The following PAX5 variants were observed in gnomAD, a reference collection of about 807,000 sequenced individuals.
PAX5 encodes paired box 5, also known as paired box protein Pax-5.
Under a neutral mutation model 43.7 loss-of-function variants are expected in PAX5, and 9 were observed. The ratio of observed to expected loss-of-function variants is 0.21; its 90% CI spans 0.12 to 0.36. The LOEUF (loss-of-function observed/expected upper bound fraction) is 0.36. Among genes scored for constraint, PAX5 ranks in the 10% least tolerant of loss-of-function variants. PAX5 has a pLI of 1.00. For synonymous variants in PAX5, 228 were observed against 214.3 expected (o/e 1.06, Z -0.56); for missense variants, 383 against 532.7 (o/e 0.72, Z 2.77).
intron 7 of PAX5, among the ~76,000 whole-genome samples, chr9:36,921,354 A>G (rs1267699873): frequency 6.6e-6 from 1 of 152,140 alleles, no homozygotes; most frequent in African/African-American, 2.4e-5. Flanking sequence ...AGCCTGAGAG[A>G]CCAGAACCCT....
intron 5 of PAX5, among the ~76,000 whole-genome samples, chr9:36,996,348 A>G (rs1837398131): frequency 6.6e-6 from 1 of 152,266 alleles, no homozygotes; most frequent in Non-Finnish European, 1.5e-5. Flanking sequence ...TCGCCAGATA[A>G]CAAAATGGAG....
At chr9:36,976,389 G>C (rs1355728614) in intron 5 of PAX5, among the ~76,000 whole-genome samples, 1 of 152,176 alleles carries the variant, frequency 6.6e-6, no homozygotes, top group Admixed American at 6.5e-5. Context: ...TCCTGGAGAA[G>C]GGACGATCAG....
At chr9:36,975,230 CA>C (rs1358652153) in intron 5 of PAX5, among the ~76,000 whole-genome samples, 3 of 152,164 alleles carry the variant, frequency 2.0e-5, no homozygotes, top group African/African-American at 7.2e-5. Context: ...CACAGCAGAG[CA>C]CTTGCACAGC....
intron 6 of PAX5, among the ~76,000 whole-genome samples, chr9:36,960,501 G>A (rs539118949): frequency 6.6e-6 from 1 of 152,296 alleles, no homozygotes; most frequent in African/African-American, 2.4e-5. Flanking sequence ...AAGGTCCGGG[G>A]TTGGGTTTCA....
chr9:36,948,122 T>A lies in PAX5; in HGVS notation c.780+18427A>T, dbSNP rs377030982. Among the ~76,000 whole-genome samples the A allele has an allele frequency of 5.3e-5, 8 of 152,188 alleles. No homozygotes were observed. In the East Asian group the frequency reaches 1.5e-3, roughly 29 times the overall value. Reference sequence around the variant, plus strand: ...GGCATGGCTACCCTCCTCTTGTGGATGGAGAAACTGATGCTGAGTGAGGGG... The same window carrying A: ...GGCATGGCTACCCTCCTCTTGTGGAAGGAGAAACTGATGCTGAGTGAGGGG... On this transcript the variant is annotated intron_variant, in intron 6 of 9. Transcript: ENST00000358127.
intron 7 of PAX5, among the ~76,000 whole-genome samples, chr9:36,889,598 G>A (rs1827194858): frequency 6.6e-6 from 1 of 152,194 alleles, no homozygotes; most frequent in Non-Finnish European, 1.5e-5. Flanking sequence ...TCTGGCACCA[G>A]ATGCCTTCAC....
intron 6 of PAX5, among the ~76,000 whole-genome samples, chr9:36,945,925 C>A (rs10973137): frequency 0.032 from 4,940 of 152,306 alleles, 244 homozygotes; most frequent in African/African-American, 0.11. Flanking sequence ...CCTGGCACAT[C>A]ATTTGTACTC....
Position 36,913,978 on chromosome 9 carries a change from C to T in PAX5, c.910+9377G>A, listed in dbSNP as rs894232488. 2.0e-5 allele frequency among the ~76,000 whole-genome samples: 3 copies of T among 152,262 alleles called. No individual in the cohort carries two copies. The South Asian group carries it at 6.2e-4, about 32-fold the overall frequency. ...CCGTGTGGTGAAACAGAGCCCCCCA[C>T]CCCCCAACAGCTCCTGGGGGCATTC... On this transcript the variant is annotated intron_variant, in intron 7 of 9. Coordinates refer to ENST00000358127, the MANE Select transcript of PAX5 (RefSeq NM_016734.3).
chr9:36,939,056 G>C (rs1446072797), intron 6 of PAX5, among the ~76,000 whole-genome samples: 1 of 152,108 alleles, frequency 6.6e-6, no homozygotes, highest in Non-Finnish European at 1.5e-5. Flanking sequence ...TATGCACCTG[G>C]CCAGGGCCTT....
At chr9:36,851,115 A>G (rs982099064) in intron 8 of PAX5, among the ~76,000 whole-genome samples, 1 of 152,232 alleles carries the variant, frequency 6.6e-6, no homozygotes, top group Non-Finnish European at 1.5e-5. Flanking sequence ...CTCATCTTGA[A>G]TATGGGCAAA....
At chr9:36,841,105 T>C (rs1359413895) in intron 9 of PAX5, among the ~76,000 whole-genome samples, 1 of 152,244 alleles carries the variant, frequency 6.6e-6, no homozygotes, top group Non-Finnish European at 1.5e-5. Context: ...TCCCTTTGTT[T>C]GGCCTGCAGG....
intron 6 of PAX5, among the ~76,000 whole-genome samples, chr9:36,933,143 CAA>C (rs35734654): frequency 3.7e-4 from 36 of 96,404 alleles, no homozygotes; most frequent in Admixed American, 7.7e-4. Flanking sequence ...GACCCTGTCT[CAA>C]AAAAAAAAAA....
intron 6 of PAX5, among the ~76,000 whole-genome samples, chr9:36,947,260 GATGAAAA>G (rs904382271): frequency 6.6e-6 from 1 of 152,140 alleles, no homozygotes; most frequent in African/African-American, 2.4e-5. Context: ...ATGTTTAAAA[GATGAAAA>G]ATTACACTGT....
intron 1 of PAX5, among the ~76,000 whole-genome samples, chr9:37,023,435 G>A (rs540572968): frequency 1.3e-5 from 2 of 152,150 alleles, no homozygotes; most frequent in Non-Finnish European, 2.9e-5. Flanking sequence ...GTGAAAGGGG[G>A]ACTGACACAG....
intron 3 of PAX5, among the ~76,000 whole-genome samples, chr9:37,014,533 TTTATGTTCCTCTCACTCAC>T (rs1232343461): frequency 6.6e-5 from 10 of 152,164 alleles, no homozygotes; most frequent in Admixed American, 1.3e-4. Flanking sequence ...CCAAGTCAGG[TTTATGTTCCTCTCACTCAC>T]TGGCTCAAGC....
rs1314803651 is a variant in PAX5 at position 36,838,478 on chromosome 9, C to G, written c.*2082G>C. ...AGCCTTAGTTTTCTCTTCTGTTCCA[C>G]CACCCTGTGGGGGACTTAGGGAACA... On this transcript the variant is annotated 3_prime_UTR_variant, in exon 10 of 10. Transcript: ENST00000358127. The G allele has an allele frequency of 1.3e-5, 3 of 232,676 alleles. No homozygotes were observed. The highest frequency in any genetic ancestry group is 2.5e-5 in the Non-Finnish European group (3 of 117,782). The allele number at this position is 232,676 out of a possible 1,614,324, so 14.4% of individuals were successfully genotyped here.
At chr9:37,012,896 A>G (rs781028283) in intron 3 of PAX5, among the ~76,000 whole-genome samples, 1 of 152,152 alleles carries the variant, frequency 6.6e-6, no homozygotes, top group Non-Finnish European at 1.5e-5. Flanking sequence ...TGCTCTGTAA[A>G]TAAGTTATGC....
At chr9:36,852,201 C>G (rs957176197) in intron 8 of PAX5, among the ~76,000 whole-genome samples, 9 of 152,210 alleles carry the variant, frequency 5.9e-5, no homozygotes, top group Non-Finnish European at 1.0e-4. Context: ...ATTCTGCCCC[C>G]ACCCAAGCCC....
chr9:36,869,562 G>A (rs949686056), intron 8 of PAX5, among the ~76,000 whole-genome samples: 2 of 152,228 alleles, frequency 1.3e-5, no homozygotes, highest in Non-Finnish European at 2.9e-5. Flanking sequence ...ACTGTACAGA[G>A]ATTCCAAGCC....
Sources: gnomAD v4.1 joint callset for allele counts (sites outside exome capture counted in the v4.1 genomes callset) on GRCh38, gnomAD v4.1.1 for gene constraint, MANE v1.5 for transcripts, NCBI Gene and HGNC (gene_info 2026-07-23, HGNC 2026-07-21) for gene names.